Variants in ALDH1A1 observed in about 807,000 individuals in gnomAD.
ALDH1A1 encodes aldehyde dehydrogenase 1A1.
A neutral mutation model predicts 62.1 loss-of-function variants in ALDH1A1; 19 were observed. The observed-to-expected ratio is 0.31, with a 90% CI of 0.21 to 0.45. The LOEUF (loss-of-function observed/expected upper bound fraction) is 0.45. Ranked by LOEUF, ALDH1A1 falls within the 20% of genes least tolerant of loss-of-function variation. The pLI, the probability that ALDH1A1 is intolerant of heterozygous loss-of-function variation, is 1.00. For missense variants in ALDH1A1, 521 were observed against 607.1 expected, an observed-to-expected ratio of 0.86 and a Z score of 1.49; for synonymous variants, 231 against 215.9, an observed-to-expected ratio of 1.07 and a Z score of -0.61.
chr9:72,924,727 G>A (rs950635797), intron 6 of ALDH1A1, among the ~76,000 whole-genome samples: 21 of 152,154 alleles, frequency 1.4e-4, no homozygotes, highest in Non-Finnish European at 2.9e-5. Flanking sequence ...CATGTTATTT[G>A]CATCGAAATG....
At chr9:72,927,212 A>C in intron 4 of ALDH1A1, 35 bp from the exon 5 acceptor site, 2 of 1,477,946 alleles carry the variant, frequency 1.4e-6, no homozygotes, top group Non-Finnish European at 1.9e-6. Flanking sequence ...ATATATAAAC[A>C]AATGTATTTG....
intron 12 of ALDH1A1, among the ~76,000 whole-genome samples, chr9:72,902,626 T>C (rs1452557356): frequency 1.3e-5 from 2 of 152,032 alleles, no homozygotes; most frequent in Non-Finnish European, 2.9e-5. Context: ...CCAATAGGCT[T>C]TCCATTGTAT....
At chr9:72,925,717 G>A (rs560735521) in intron 5 of ALDH1A1, 105 bp from the exon 6 acceptor site, 590 of 1,294,284 alleles carry the variant, frequency 4.6e-4, no homozygotes, top group Non-Finnish European at 5.4e-4. Flanking sequence ...TAATAATTGC[G>A]TAGTTTTGTG....
chr9:72,950,554 C>T (rs1371901070), intron 1 of ALDH1A1, among the ~76,000 whole-genome samples: 1 of 151,738 alleles, frequency 6.6e-6, no homozygotes, highest in Non-Finnish European at 1.5e-5. Flanking sequence ...GAAAATAAGT[C>T]ATAAAAACAT....
chr9:72,930,767 A>G lies in ALDH1A1; in HGVS notation c.312+112T>C. On this transcript the variant is annotated intron_variant, in intron 3 of 12. Transcript: ENST00000297785. Reference sequence around the variant, plus strand: ...ATTCATTGGGACAAAAAATGTTTTCATTTTGTTTGTAGAGAGCATATAGTG... The same window carrying G: ...ATTCATTGGGACAAAAAATGTTTTCGTTTTGTTTGTAGAGAGCATATAGTG... 3 of 1,304,018 alleles carry G rather than the reference A, an allele frequency of 2.3e-6. No individual in the cohort carries two copies. The East Asian group carries it at 7.0e-5, about 30-fold the overall frequency. The allele number at this position is 1,304,018 out of a possible 1,614,324, so 80.8% of individuals were successfully genotyped here.
intron 1 of ALDH1A1, among the ~76,000 whole-genome samples, chr9:72,951,277 T>C (rs1182091401): frequency 6.6e-6 from 1 of 151,848 alleles, no homozygotes; most frequent in Non-Finnish European, 1.5e-5. Flanking sequence ...AAGGGTTCAT[T>C]AGGTCTGTGC....
intron 1 of ALDH1A1, among the ~76,000 whole-genome samples, chr9:72,949,664 C>CGT (rs1208876244): frequency 4.3e-5 from 6 of 140,354 alleles, no homozygotes; most frequent in Non-Finnish European, 6.1e-5. Flanking sequence ...TGTGTGTGTG[C>CGT]GTGTGTGTGT....
intron 4 of ALDH1A1, among the ~76,000 whole-genome samples, chr9:72,928,407 G>A (rs1269949775): frequency 6.6e-6 from 1 of 152,192 alleles, no homozygotes; most frequent in Non-Finnish European, 1.5e-5. Flanking sequence ...GAGTCCGTGT[G>A]AACTGGCTTG....
intron 7 of ALDH1A1, among the ~76,000 whole-genome samples, chr9:72,919,503 C>A (rs567738524): frequency 1.3e-5 from 2 of 152,266 alleles, no homozygotes; most frequent in African/African-American, 4.8e-5. Flanking sequence ...AATGACAGGA[C>A]CATTTCTTTT....
At chr9:72,904,734 C>T (rs932032010) in intron 12 of ALDH1A1, among the ~76,000 whole-genome samples, 2 of 152,098 alleles carry the variant, frequency 1.3e-5, no homozygotes, top group Non-Finnish European at 2.9e-5. Context: ...CATCCTGACT[C>T]TTATACTCTG....
At position 72,928,914 on chromosome 9, in the gene ALDH1A1, G is replaced by A. The variant is rs1830245053; in HGVS notation, c.420C>T (p.Ile140=). The A allele has an allele frequency of 2.5e-6, 4 of 1,613,886 alleles. No individual in the cohort carries two copies. The highest frequency in any genetic ancestry group is 2.2e-5 in the South Asian group (2 of 91,074). Residue 140 remains isoleucine (I), a synonymous_variant, in exon 4 of 13, where the codon ATC becomes ATT. Coordinates refer to ENST00000297785, the MANE Select transcript of ALDH1A1 (RefSeq NM_000689.5). ...LRYCAGWADK[I]QGRTIPIDGN... ...TACCAATTGGTATTGTACGGCCCTG[G>A]ATCTTGTCAGCCCAACCTGCACAGT...
chr9:72,931,436 A>G (rs570407378), intron 2 of ALDH1A1, among the ~76,000 whole-genome samples: 2 of 152,356 alleles, frequency 1.3e-5, no homozygotes, highest in East Asian at 3.9e-4. Flanking sequence ...GCTCAAGGTT[A>G]ATAACTAAAA....
intron 9 of ALDH1A1, among the ~76,000 whole-genome samples, chr9:72,916,489 C>T (rs959006983): frequency 4.6e-5 from 7 of 151,992 alleles, no homozygotes; most frequent in South Asian, 2.1e-4. Context: ...TCAGAGTAAC[C>T]GATGACTTGC....
chr9:72,927,551 A>G (rs1301876349), intron 4 of ALDH1A1, among the ~76,000 whole-genome samples: 1 of 152,208 alleles, frequency 6.6e-6, no homozygotes, highest in Non-Finnish European at 1.5e-5. Flanking sequence ...AATTATCTTT[A>G]TTCTCTAAGT....
intron 1 of ALDH1A1, chr9:72,942,462 T>C (rs985378723): frequency 2.5e-6 from 2 of 803,328 alleles, no homozygotes; most frequent in African/African-American, 3.7e-5. Context: ...CTTTGTTCTA[T>C]ACAAGTATAA....
chr9:72,909,754 A>G lies in ALDH1A1; in HGVS notation c.1206T>C (p.Phe402=). The part of the protein sequence containing the change: ...DEMRIAKEEI[F]GPVQQIMKFK... Reference sequence around the variant, plus strand: ...ACTTCATGATTTGCTGCACTGGTCCAAAAATCTATACCACAAGAAATAAAT... The same window carrying G: ...ACTTCATGATTTGCTGCACTGGTCCGAAAATCTATACCACAAGAAATAAAT... Residue 402 remains phenylalanine, a synonymous_variant, in exon 11 of 13, where the codon TTT becomes TTC. Transcript: ENST00000297785. 6.2e-7 allele frequency: 1 copy of G among 1,605,924 alleles called. No individual in the cohort carries two copies. The highest frequency in any genetic ancestry group is 8.5e-7 in the Non-Finnish European group (1 of 1,175,336).
At chr9:72,934,136 G>A (rs1013656660) in intron 2 of ALDH1A1, among the ~76,000 whole-genome samples, 3 of 151,986 alleles carry the variant, frequency 2.0e-5, no homozygotes, top group African/African-American at 7.3e-5. Context: ...TGTCAAAGCT[G>A]GTCTAAAATT....
Position 72,927,189 on chromosome 9 carries a change from AAC to A in ALDH1A1, c.443-14_443-13del. 6.3e-7 allele frequency: 1 copy of A among 1,575,500 alleles called. No individual in the cohort carries two copies. Among genetic ancestry groups the A allele is most frequent in the Non-Finnish European group, 8.7e-7 (1 of 1,153,246 alleles). The stretch of plus-strand genomic sequence containing the variant: ...AAAAAAATTTCCATCTGAAAAATAA[AAC>A]ACACACAATCATATATAAACAAATG... On this transcript the variant is annotated splice_polypyrimidine_tract_variant and intron_variant, in intron 4 of 12. Coordinates refer to ENST00000297785, the MANE Select transcript of ALDH1A1 (RefSeq NM_000689.5).
At chr9:72,938,742 C>T (rs1830376806) in intron 2 of ALDH1A1, among the ~76,000 whole-genome samples, 1 of 150,880 alleles carries the variant, frequency 6.6e-6, no homozygotes, top group Non-Finnish European at 1.5e-5. Flanking sequence ...ATAAGAAAGA[C>T]TATTTAATTT....
Sources: gnomAD v4.1 joint callset for allele counts (sites outside exome capture counted in the v4.1 genomes callset) on GRCh38, gnomAD v4.1.1 for gene constraint, MANE v1.5 for transcripts, NCBI Gene and HGNC (gene_info 2026-07-23, HGNC 2026-07-21) for gene names.